Variants in FBXL2 observed in about 807,000 individuals in gnomAD.
FBXL2 encodes F-box and leucine rich repeat protein 2.
A neutral mutation model predicts 69.2 loss-of-function variants in FBXL2; 38 were observed. That is an observed-to-expected ratio of 0.55 (90% CI 0.42 to 0.72). The LOEUF is 0.72. Ranked by LOEUF, FBXL2 falls within the 30% of genes least tolerant of loss-of-function variation. The pLI is 0.00. For synonymous variants in FBXL2, 192 were observed against 201.3 expected (o/e 0.95, Z 0.39); for missense variants, 354 against 520.3 (o/e 0.68, Z 3.11).
rs754768885 is a variant in FBXL2 at position 33,378,150 on chromosome 3, G to A, written c.894+3G>A. 6.2e-7 allele frequency: 1 copy of A among 1,614,036 alleles called. No individual in the cohort carries two copies. The highest frequency in any genetic ancestry group is 8.5e-7 in the Non-Finnish European group (1 of 1,179,988). On this transcript the variant is annotated splice_donor_region_variant and intron_variant, in intron 12 of 14. Transcript: ENST00000484457. ...TGGATCTTGAAGAATGCATCCTGGT[G>A]AGTGGACTCCTGACAGCCCTGCAGG...
rs1225901851 is a variant in FBXL2, at chr3:33,388,005, G to A, written c.*2397G>A. 1 of 149,888 alleles carries A rather than the reference G, an allele frequency of 6.7e-6. No homozygotes were observed. Among genetic ancestry groups the A allele is most frequent in the Non-Finnish European group, 1.5e-5 (1 of 67,760 alleles). The allele number at this position is 149,888 out of a possible 1,614,324, so 9.3% of individuals were successfully genotyped here. On this transcript the variant is annotated 3_prime_UTR_variant, in exon 15 of 15. Coordinates refer to ENST00000484457, the MANE Select transcript of FBXL2 (RefSeq NM_012157.5). The stretch of plus-strand genomic sequence containing the variant: ...GAATGGCGTGAACCCGGGAGGCAGA[G>A]CTTGCAGTGAGCCGAGATTGCGCCA...
intron 10 of FBXL2, 42 bp downstream of exon 10, chr3:33,375,460 CT>C (rs1362655799): frequency 3.8e-6 from 6 of 1,597,232 alleles, no homozygotes; most frequent in Non-Finnish European, 5.1e-6. Flanking sequence ...CAGAGTTTGG[CT>C]GAGTTAACCA....
chr3:33,379,669 C>CA (rs2042892988), intron 13 of FBXL2, among the ~76,000 whole-genome samples: 2 of 144,452 alleles, frequency 1.4e-5, no homozygotes, highest in South Asian at 4.5e-4. Context: ...CAAAACCAAA[C>CA]AAAAATTGTA....
At chr3:33,342,587 G>A (rs2040114897) in intron 2 of FBXL2, among the ~76,000 whole-genome samples, 1 of 151,382 alleles carries the variant, frequency 6.6e-6, no homozygotes, top group Non-Finnish European at 1.5e-5. Flanking sequence ...AGGTATTTAT[G>A]ACGAAGAGTA....
At chr3:33,298,613 T>G (rs2035960147) in intron 2 of FBXL2, among the ~76,000 whole-genome samples, 1 of 150,936 alleles carries the variant, frequency 6.6e-6, no homozygotes, top group Non-Finnish European at 1.5e-5. Flanking sequence ...GGAGAATCAT[T>G]TGAAGCTAGG....
At chr3:33,422,385 CAAAT>C in the FBXL2 span, among the ~76,000 whole-genome samples, 1 of 151,148 alleles carries the variant, frequency 6.6e-6, no homozygotes, top group East Asian at 1.9e-4. Flanking sequence ...TAAAAACAAA[CAAAT>C]AAAAGGAAAA....
intron 2 of FBXL2, among the ~76,000 whole-genome samples, chr3:33,344,966 C>G (rs2040328058): frequency 6.6e-6 from 1 of 152,206 alleles, no homozygotes; most frequent in African/African-American, 2.4e-5. Context: ...ATCCACAAAG[C>G]AACCTCCATG....
chr3:33,320,640 C>T (rs1290769055), intron 2 of FBXL2, among the ~76,000 whole-genome samples: 2 of 151,992 alleles, frequency 1.3e-5, no homozygotes, highest in Admixed American at 1.3e-4. Context: ...ACGACCATGC[C>T]TGACTAATTT....
intron 1 of FBXL2, among the ~76,000 whole-genome samples, chr3:33,284,249 G>C (rs2034356238): frequency 6.6e-6 from 1 of 152,164 alleles, no homozygotes; most frequent in South Asian, 2.1e-4. Context: ...GGTATGTTGT[G>C]TCTTTGCTCT....
intron 2 of FBXL2, among the ~76,000 whole-genome samples, chr3:33,334,250 G>A (rs955046882): frequency 4.6e-5 from 7 of 152,218 alleles, no homozygotes; most frequent in African/African-American, 1.4e-4. Flanking sequence ...TTGGAATTTA[G>A]TAGATGAGGG....
chr3:33,316,736 T>A (rs1197258176), intron 2 of FBXL2, among the ~76,000 whole-genome samples: 1 of 152,184 alleles, frequency 6.6e-6, no homozygotes, highest in Non-Finnish European at 1.5e-5. Context: ...GGGGATACTT[T>A]ATCACTTAGG....
At chr3:33,287,623 G>T (rs1403644646) in intron 1 of FBXL2, among the ~76,000 whole-genome samples, 1 of 152,134 alleles carries the variant, frequency 6.6e-6, no homozygotes, top group Non-Finnish European at 1.5e-5. Flanking sequence ...TTACAGATGT[G>T]AGGCACTGCA....
chr3:33,340,649 T>A (rs1241331635), intron 2 of FBXL2, among the ~76,000 whole-genome samples: 1 of 150,076 alleles, frequency 6.7e-6, no homozygotes, highest in Non-Finnish European at 1.5e-5. Context: ...CCTACCACTT[T>A]GGGAGGCCGA....
At chr3:33,404,326 C>T (rs2044355072), downstream of FBXL2, among the ~76,000 whole-genome samples, 1 of 151,870 alleles carries the variant, frequency 6.6e-6, no homozygotes, top group Non-Finnish European at 1.5e-5. Flanking sequence ...GCAGGAGAAT[C>T]GCTTGAACCT....
At chr3:33,364,594 A>AT (rs749529395) in intron 4 of FBXL2, 31 bp from the exon 5 acceptor site, 2 of 1,576,184 alleles carry the variant, frequency 1.3e-6, no homozygotes, top group Admixed American at 1.7e-5. Context: ...AAAAAACAGT[A>AT]TTTTTTCCTC....
At chr3:33,325,729 TAAA>T (rs1158369709) in intron 2 of FBXL2, among the ~76,000 whole-genome samples, 1 of 152,180 alleles carries the variant, frequency 6.6e-6, no homozygotes, top group Non-Finnish European at 1.5e-5. Flanking sequence ...AATGTTTTTT[TAAA>T]AAAATTTAAT....
At chr3:33,313,239 T>C (rs1575158569) in intron 2 of FBXL2, among the ~76,000 whole-genome samples, 1 of 151,922 alleles carries the variant, frequency 6.6e-6, no homozygotes. Flanking sequence ...AAGAAATAGA[T>C]AATCTAAAGA....
At chr3:33,362,596 T>C (rs2041701953) in intron 4 of FBXL2, among the ~76,000 whole-genome samples, 1 of 152,236 alleles carries the variant, frequency 6.6e-6, no homozygotes, top group African/African-American at 2.4e-5. Context: ...ATATAAATGT[T>C]ACTAACTTGA....
intron 12 of FBXL2, 35 bp from the exon 13 acceptor site, chr3:33,378,650 T>C: frequency 6.2e-7 from 1 of 1,601,216 alleles, no homozygotes. Flanking sequence ...AGTTCTGGTG[T>C]AGAAGCCACA....
Sources: gnomAD v4.1 joint callset for allele counts (sites outside exome capture counted in the v4.1 genomes callset) on GRCh38, gnomAD v4.1.1 for gene constraint, MANE v1.5 for transcripts, NCBI Gene and HGNC (gene_info 2026-07-23, HGNC 2026-07-21) for gene names.